The following PDE4D variants were observed in gnomAD, a reference collection of about 807,000 sequenced individuals.
The protein encoded by PDE4D is 3',5'-cyclic-AMP phosphodiesterase 4D.
In PDE4D, 24 loss-of-function variants were observed where a neutral mutation model predicts 87.4. The ratio of observed to expected loss-of-function variants is 0.27; its 90% CI spans 0.20 to 0.39. PDE4D has a LOEUF of 0.39. PDE4D is among the 10% of genes least tolerant of loss of function. PDE4D has a pLI of 1.00. For missense variants in PDE4D, 714 were observed against 1,041.0 expected (o/e 0.69, Z 4.32); for synonymous variants, 384 against 383.2 (o/e 1.00, Z -0.02).
At chr5:60,386,596 G>A (rs374680341) in intron 1 of PDE4D, among the ~76,000 whole-genome samples, 3 of 152,322 alleles carry the variant, frequency 2.0e-5, no homozygotes, top group South Asian at 2.1e-4. Context: ...CTGATGGGCA[G>A]AAAGCCAGTG....
At chr5:59,222,727 AC>A in intron 1 of PDE4D, among the ~76,000 whole-genome samples, 1 of 152,212 alleles carries the variant, frequency 6.6e-6, no homozygotes, top group Non-Finnish European at 1.5e-5. Context: ...GTTAGAAAAC[AC>A]AGGTTAAATT....
At chr5:60,269,261 C>T (rs936963799) in intron 1 of PDE4D, among the ~76,000 whole-genome samples, 9 of 152,170 alleles carry the variant, frequency 5.9e-5, no homozygotes, top group African/African-American at 1.7e-4. Flanking sequence ...GAGCCGAAAT[C>T]GTGCCACTGC....
At chr5:60,265,169 G>T (rs1441927782) in intron 1 of PDE4D, among the ~76,000 whole-genome samples, 1 of 152,196 alleles carries the variant, frequency 6.6e-6, no homozygotes, top group African/African-American at 2.4e-5. Context: ...TAACAGAGGA[G>T]ATTAATAGCA....
chr5:59,492,765 T>A lies in PDE4D; in HGVS notation c.456-276797A>T, dbSNP rs909433121. Among the ~76,000 whole-genome samples, 4 of 152,186 alleles carry A rather than the reference T, an allele frequency of 2.6e-5. No homozygotes were observed. In the East Asian group the frequency reaches 5.8e-4, roughly 22 times the overall value. On this transcript the variant is annotated intron_variant, in intron 1 of 14. Coordinates refer to ENST00000340635, the MANE Select transcript of PDE4D (RefSeq NM_001104631.2). ...GATTGTAGCTCCCACAATTCCCATG[T>A]GTCCTGGGAGGCAATCGAATTATGG...
intron 1 of PDE4D, among the ~76,000 whole-genome samples, chr5:60,437,112 C>G (rs371421054): frequency 7.9e-5 from 12 of 152,176 alleles, no homozygotes; most frequent in African/African-American, 2.9e-4. Flanking sequence ...TCCTCATCTT[C>G]AACAGAATAT....
chr5:59,165,730 C>T (rs976502275), intron 5 of PDE4D, among the ~76,000 whole-genome samples: 1 of 152,122 alleles, frequency 6.6e-6, no homozygotes, highest in Non-Finnish European at 1.5e-5. Context: ...AGAATATGAA[C>T]CCACAAAATC....
intron 1 of PDE4D, among the ~76,000 whole-genome samples, chr5:59,609,645 T>A (rs977455106): frequency 6.6e-6 from 1 of 152,130 alleles, no homozygotes; most frequent in Non-Finnish European, 1.5e-5. Context: ...CATGAACATG[T>A]AGCTTGAGTG....
At chr5:59,029,660 C>CTTT (rs70973180) in intron 6 of PDE4D, among the ~76,000 whole-genome samples, 1 of 150,446 alleles carries the variant, frequency 6.6e-6, no homozygotes, top group African/African-American at 2.4e-5. Flanking sequence ...ATTCCAATGT[C>CTTT]TTTTTTTTTC....
At chr5:59,379,202 C>T (rs1037239828) in intron 1 of PDE4D, among the ~76,000 whole-genome samples, 9 of 152,110 alleles carry the variant, frequency 5.9e-5, no homozygotes, top group African/African-American at 1.9e-4. Context: ...GATGTGTCTG[C>T]GTAACAATCA....
intron 1 of PDE4D, among the ~76,000 whole-genome samples, chr5:59,382,296 G>A (rs73095415): frequency 0.031 from 4,716 of 152,024 alleles, 257 homozygotes; most frequent in African/African-American, 0.11. Context: ...AACCGAATGG[G>A]TGGTGAAACA....
At chr5:59,714,683 G>A (rs1036818470) in intron 1 of PDE4D, among the ~76,000 whole-genome samples, 5 of 152,240 alleles carry the variant, frequency 3.3e-5, no homozygotes, top group Admixed American at 2.6e-4. Context: ...GGAACAGTTC[G>A]CCTTCACGGG....
intron 1 of PDE4D, among the ~76,000 whole-genome samples, chr5:60,321,001 C>T (rs550784520): frequency 1.3e-5 from 2 of 152,284 alleles, no homozygotes; most frequent in African/African-American, 2.4e-5. Context: ...GATTCAATGC[C>T]ATTCCTGTCA....
chr5:60,128,734 T>C (rs1779329753), intron 2 of PDE4D, among the ~76,000 whole-genome samples: 1 of 152,232 alleles, frequency 6.6e-6, no homozygotes, highest in Non-Finnish European at 1.5e-5. Flanking sequence ...CTGGCTACGT[T>C]GGAAGCAACT....
At chr5:60,296,132 T>C (rs987935336) in intron 1 of PDE4D, among the ~76,000 whole-genome samples, 3 of 152,130 alleles carry the variant, frequency 2.0e-5, no homozygotes, top group Non-Finnish European at 2.9e-5. Context: ...TACAATCACC[T>C]TGGAGGTGAG....
At chr5:60,427,086 T>C (rs1453719733) in intron 1 of PDE4D, among the ~76,000 whole-genome samples, 2 of 152,044 alleles carry the variant, frequency 1.3e-5, no homozygotes, top group Non-Finnish European at 2.9e-5. Context: ...CAAATAGTCT[T>C]AACGTAAATG....
intron 2 of PDE4D, among the ~76,000 whole-genome samples, chr5:60,140,010 G>T (rs952033670): frequency 6.6e-5 from 10 of 151,962 alleles, no homozygotes; most frequent in East Asian, 5.8e-4. Context: ...TATGCAACTT[G>T]TCATCATTTC....
At chr5:60,188,964 G>T (rs1020094941) in intron 1 of PDE4D, among the ~76,000 whole-genome samples, 8 of 152,202 alleles carry the variant, frequency 5.3e-5, no homozygotes, top group African/African-American at 1.9e-4. Flanking sequence ...AAGAATGTTT[G>T]ATGAAAAGGT....
At chr5:60,096,917 C>T (rs1450851311) in intron 2 of PDE4D, among the ~76,000 whole-genome samples, 1 of 152,036 alleles carries the variant, frequency 6.6e-6, no homozygotes, top group Non-Finnish European at 1.5e-5. Context: ...TCTTTCTTTT[C>T]AGAGTAACAG....
chr5:59,176,614 C>T (rs1783928714), intron 5 of PDE4D, among the ~76,000 whole-genome samples: 2 of 151,884 alleles, frequency 1.3e-5, no homozygotes, highest in Non-Finnish European at 2.9e-5. Flanking sequence ...ATGCAATAAC[C>T]TTGAAAAGAG....
Sources: allele counts gnomAD v4.1 joint callset (sites outside exome capture counted in the v4.1 genomes callset), GRCh38; gene constraint gnomAD v4.1.1; transcripts MANE v1.5; gene names NCBI Gene and HGNC (gene_info 2026-07-23, HGNC 2026-07-21).